ALK: variants seen among roughly 807,000 people sequenced by gnomAD.
ALK encodes ALK receptor tyrosine kinase, also known as ALK tyrosine kinase receptor.
ALK carries 74 observed loss-of-function variants against 163.1 expected under a neutral mutation model. That is an observed-to-expected ratio of 0.45 (90% CI 0.38 to 0.55). The LOEUF is 0.55. ALK is among the 20% of genes least tolerant of loss of function. ALK has a pLI of 0.00. For synonymous variants in ALK, 960 were observed against 843.2 expected, an observed-to-expected ratio of 1.14 and a Z score of -2.40; for missense variants, 2,063 against 2,105.3, an observed-to-expected ratio of 0.98 and a Z score of 0.39.
rs573049471 is a variant in ALK at position 29,197,575 on chromosome 2, C to T, written c.4040G>A (p.Arg1347Gln). 71 of 1,613,730 alleles carry T rather than the reference C, an allele frequency of 4.4e-5. No homozygotes were observed. Among genetic ancestry groups the T allele is most frequent in the South Asian group, 6.6e-5 (6 of 91,044 alleles). The change falls in exon 27 of 29, where the codon CGG becomes CAG. Residue 1347 changes from arginine to glutamine, a missense_variant. Physicochemically the swap from Arg to Gln is conservative, Grantham distance 43. Coordinates refer to ENST00000389048, the MANE Select transcript of ALK (RefSeq NM_004304.5). ...EVLEFVTSGG[R>Q]MDPPKNCPGP... ...AGGGCAGTTCTTGGGTGGGTCCATC[C>T]GGCCTCCACTGGTGACAAACTCCAG...
chr2:29,591,609 T>G (rs2148207195), intron 3 of ALK, among the ~76,000 whole-genome samples: 1 of 152,244 alleles, frequency 6.6e-6, no homozygotes, highest in African/African-American at 2.4e-5. Context: ...CATAGAGCTC[T>G]AAGATGGCAT....
chr2:29,416,281 T>C (rs900911937), intron 4 of ALK, among the ~76,000 whole-genome samples: 13 of 152,228 alleles, frequency 8.5e-5, no homozygotes, highest in African/African-American at 2.9e-4. Flanking sequence ...GCAAGGTCTA[T>C]GAATACTTGT....
chr2:29,298,708 T>G (rs947261904), intron 8 of ALK, among the ~76,000 whole-genome samples: 1 of 152,228 alleles, frequency 6.6e-6, no homozygotes, highest in African/African-American at 2.4e-5. Flanking sequence ...GAAGATCTAC[T>G]ATGTCAGGAA....
At chr2:29,233,782 G>C (rs1244204531) in intron 13 of ALK, 86 bp from the exon 14 acceptor site, 5 of 1,569,536 alleles carry the variant, frequency 3.2e-6, no homozygotes, top group Non-Finnish European at 4.4e-6. Flanking sequence ...CTTAAAAACA[G>C]GATCTGACTC....
At chr2:29,735,040 C>A (rs1679853958) in intron 1 of ALK, among the ~76,000 whole-genome samples, 1 of 151,730 alleles carries the variant, frequency 6.6e-6, no homozygotes, top group South Asian at 2.1e-4. Flanking sequence ...TTACAAAAAC[C>A]CCATGAAACA....
chr2:29,264,280 G>C (rs1010814996), intron 11 of ALK, among the ~76,000 whole-genome samples: 2 of 152,218 alleles, frequency 1.3e-5, no homozygotes, highest in Admixed American at 1.3e-4. Context: ...GGCCACACCA[G>C]CCTAGAGTAA....
At chr2:29,784,035 T>C (rs1201102643) in intron 1 of ALK, among the ~76,000 whole-genome samples, 1 of 151,870 alleles carries the variant, frequency 6.6e-6, no homozygotes, top group African/African-American at 2.4e-5. Flanking sequence ...AGAACAGGAA[T>C]GCCATGATAT....
intron 1 of ALK, among the ~76,000 whole-genome samples, chr2:29,818,680 G>A (rs1664963423): frequency 6.6e-6 from 1 of 152,256 alleles, no homozygotes; most frequent in South Asian, 2.1e-4. Flanking sequence ...AGCAGATATA[G>A]GGTTTGACTG....
At chr2:29,394,413 T>C (rs1391698955) in intron 4 of ALK, among the ~76,000 whole-genome samples, 1 of 152,094 alleles carries the variant, frequency 6.6e-6, no homozygotes, top group Non-Finnish European at 1.5e-5. Context: ...TTCCTCTTTC[T>C]GTTTCTCTAA....
At chr2:29,440,503 G>C (rs750269396) in intron 4 of ALK, among the ~76,000 whole-genome samples, 16 of 152,104 alleles carry the variant, frequency 1.1e-4, no homozygotes, top group Admixed American at 3.9e-4. Flanking sequence ...TTTTAGTAGA[G>C]ACAGGGTTTC....
At chr2:29,763,055 C>T (rs183100863) in intron 1 of ALK, among the ~76,000 whole-genome samples, 8 of 142,302 alleles carry the variant, frequency 5.6e-5, no homozygotes, top group East Asian at 2.1e-4. Flanking sequence ...CCACTGCACT[C>T]GAGCCTAGGC....
intron 4 of ALK, among the ~76,000 whole-genome samples, chr2:29,510,278 T>G (rs6708397): frequency 0.38 from 57,610 of 152,040 alleles, 11,909 homozygotes; most frequent in South Asian, 0.57. Flanking sequence ...CATTCTTAAG[T>G]CCCCTTAAGA....
At chr2:29,766,159 T>C (rs1302939946) in intron 1 of ALK, among the ~76,000 whole-genome samples, 3 of 152,218 alleles carry the variant, frequency 2.0e-5, no homozygotes, top group African/African-American at 4.8e-5. Flanking sequence ...TTTGCTGGTA[T>C]AAACAATGCT....
intron 4 of ALK, among the ~76,000 whole-genome samples, chr2:29,465,748 T>C (rs749986301): frequency 5.5e-4 from 83 of 151,840 alleles, no homozygotes; most frequent in Non-Finnish European, 1.1e-3. Context: ...AGAAGGCAAA[T>C]GATATCAGAT....
At chr2:29,224,346 CTG>C (rs1213569833) in intron 19 of ALK, among the ~76,000 whole-genome samples, 2 of 152,330 alleles carry the variant, frequency 1.3e-5, no homozygotes, top group East Asian at 3.9e-4. Context: ...GTTTCCCTCT[CTG>C]TAGGCAGGGA....
chr2:29,643,402 G>A (rs1165580086), intron 3 of ALK, among the ~76,000 whole-genome samples: 1 of 152,172 alleles, frequency 6.6e-6, no homozygotes, highest in African/African-American at 2.4e-5. Context: ...GAAAGATTGT[G>A]GAGAGTTTTT....
At chr2:29,535,097 T>C (rs532637932) in intron 3 of ALK, among the ~76,000 whole-genome samples, 102 of 152,316 alleles carry the variant, frequency 6.7e-4, no homozygotes, top group African/African-American at 2.4e-3. Flanking sequence ...CCTCTCTCTC[T>C]TTTTGGTTTC....
At chr2:29,503,389 T>C (rs1170459397) in intron 4 of ALK, among the ~76,000 whole-genome samples, 1 of 152,222 alleles carries the variant, frequency 6.6e-6, no homozygotes, top group Non-Finnish European at 1.5e-5. Context: ...ACTAATATGC[T>C]CCAGGTTCTG....
rs190126873 is a variant in ALK, at chr2:29,807,412, G to A, written c.668-89715C>T. Among the ~76,000 whole-genome samples, 7 of 152,368 alleles carry A rather than the reference G, an allele frequency of 4.6e-5. No individual in the cohort carries two copies. In the East Asian group the frequency reaches 9.6e-4, roughly 21 times the overall value. ...GGAATGGTGGCAGCCCTCAGGAAGA[G>A]GGTGAGGAGGTGTCCTTCTGCCAGG... is the stretch of plus-strand genomic sequence containing the variant. On this transcript the variant is annotated intron_variant, in intron 1 of 28. Coordinates refer to ENST00000389048, the MANE Select transcript of ALK (RefSeq NM_004304.5).
Sources: allele counts gnomAD v4.1 joint callset (sites outside exome capture counted in the v4.1 genomes callset), GRCh38; gene constraint gnomAD v4.1.1; transcripts MANE v1.5; gene names NCBI Gene and HGNC (gene_info 2026-07-23, HGNC 2026-07-21).